Variants in MAGOH observed in about 807,000 individuals in gnomAD.
MAGOH encodes mago homolog, exon junction complex subunit, also known as protein mago nashi homolog.
In MAGOH, 3 loss-of-function variants were observed where a neutral mutation model predicts 20.9. The observed-to-expected ratio is 0.14, with a 90% CI of 0.07 to 0.37. MAGOH has a LOEUF of 0.37. Among genes scored for constraint, MAGOH ranks in the 10% least tolerant of loss-of-function variants. The pLI is 1.00. For synonymous variants in MAGOH, 51 were observed against 61.0 expected, an observed-to-expected ratio of 0.84 and a Z score of 0.76; for missense variants, 66 against 178.1, an observed-to-expected ratio of 0.37 and a Z score of 3.58.
chr1:53,233,428 T>A lies in MAGOH; in HGVS notation c.258+114A>T, dbSNP rs182635940. On this transcript the variant is annotated intron_variant, in intron 3 of 4. Coordinates refer to ENST00000371470, the MANE Select transcript of MAGOH (RefSeq NM_002370.4). ...TTTCTCTTTGTATCTCCACAATGCT[T>A]TGTCCATAGTAGTTAGTAAGTGAGA... is the stretch of plus-strand genomic sequence containing the variant. The A allele has an allele frequency of 7.5e-5, 50 of 669,970 alleles. No homozygotes were observed. The African/African-American group carries it at 8.4e-4, about 11-fold the overall frequency. 41.5% of individuals were successfully genotyped at this position (669,970 alleles called of 1,614,324 possible).
chr1:53,235,727 TA>T, intron 1 of MAGOH, 92 bp from the exon 2 acceptor site: 1 of 922,142 alleles, frequency 1.1e-6, no homozygotes, highest in Non-Finnish European at 1.8e-6. Context: ...GCCCAAAATG[TA>T]TCTAACTTGC....
intron 2 of MAGOH, among the ~76,000 whole-genome samples, chr1:53,234,807 A>C (rs1028795485): frequency 1.3e-5 from 2 of 152,200 alleles, no homozygotes; most frequent in African/African-American, 4.8e-5. Context: ...ACAATATGAA[A>C]ATATATGCTA....
At position 53,233,613 on chromosome 1, in the gene MAGOH, T is replaced by C. The variant is rs765774176; in HGVS notation, c.187A>G (p.Ile63Val). 6.2e-7 allele frequency: 1 copy of C among 1,614,122 alleles called. No homozygotes were observed. Among genetic ancestry groups the C allele is most frequent in the Non-Finnish European group, 8.5e-7 (1 of 1,179,948 alleles). The change falls in exon 3 of 5, where the codon ATA becomes GTA. Residue 63 changes from isoleucine (I) to valine (V), a missense_variant. By Grantham distance (29) the Ile-to-Val change is conservative. Coordinates refer to ENST00000371470, the MANE Select transcript of MAGOH (RefSeq NM_002370.4). ...HKSVMEELKRIIDDSEITKED... is the reference protein window; with the variant it reads ...HKSVMEELKRVIDDSEITKED... Reference sequence around the variant, plus strand: ...TTGGTAATTTCACTGTCGTCAATTATTCTCTTCAGTTCCTCCATCACGCTT... The same window carrying C: ...TTGGTAATTTCACTGTCGTCAATTACTCTCTTCAGTTCCTCCATCACGCTT...
intron 1 of MAGOH, 133 bp from the exon 2 acceptor site, chr1:53,235,768 TC>T: frequency 2.9e-6 from 2 of 691,732 alleles, no homozygotes; most frequent in Admixed American, 2.5e-5. Context: ...TATTATTTAC[TC>T]TTAAGGTATT....
At chr1:53,232,812 TCAGAC>T (rs1235672027) in intron 3 of MAGOH, among the ~76,000 whole-genome samples, 1 of 152,128 alleles carries the variant, frequency 6.6e-6, no homozygotes, top group African/African-American at 2.4e-5. Context: ...TTTTTAAAGA[TCAGAC>T]CAGTAGGATG....
chr1:53,229,523 G>C (rs1645576093), intron 3 of MAGOH, among the ~76,000 whole-genome samples: 1 of 152,124 alleles, frequency 6.6e-6, no homozygotes, highest in South Asian at 2.1e-4. Flanking sequence ...CAAGTGCTGG[G>C]ATTATAGGTA....
chr1:53,235,175 T>C, intron 2 of MAGOH, among the ~76,000 whole-genome samples: 1 of 152,218 alleles, frequency 6.6e-6, no homozygotes, highest in East Asian at 1.9e-4. Context: ...TTGTGTACCA[T>C]GTACACAGGG....
At chr1:53,235,739 T>C in intron 1 of MAGOH, 104 bp from the exon 2 acceptor site, 1 of 802,260 alleles carries the variant, frequency 1.2e-6, no homozygotes. Flanking sequence ...TCTAACTTGC[T>C]AAAAGTGTCT....
intron 1 of MAGOH, among the ~76,000 whole-genome samples, chr1:53,237,939 G>A (rs911200445): frequency 3.9e-5 from 6 of 152,124 alleles, no homozygotes; most frequent in African/African-American, 1.4e-4. Flanking sequence ...GGACTCGGCT[G>A]CAATATACCC....
At chr1:53,229,555 TG>T (rs1645576318) in intron 3 of MAGOH, among the ~76,000 whole-genome samples, 1 of 152,180 alleles carries the variant, frequency 6.6e-6, no homozygotes. Context: ...GCCCAGCCTA[TG>T]TAGTATTTTG....
At chr1:53,235,404 A>T (rs1329134515) in intron 2 of MAGOH, among the ~76,000 whole-genome samples, 173 bp downstream of exon 2, 7 of 152,236 alleles carry the variant, frequency 4.6e-5, no homozygotes, top group Non-Finnish European at 1.5e-5. Context: ...AATGTAAAAT[A>T]AAAAAATCCC....
intron 2 of MAGOH, among the ~76,000 whole-genome samples, chr1:53,234,737 G>C (rs977586334): frequency 1.3e-5 from 2 of 152,000 alleles, no homozygotes; most frequent in Non-Finnish European, 2.9e-5. Flanking sequence ...ATATGCCTGT[G>C]TAAAAAAATA....
intron 3 of MAGOH, among the ~76,000 whole-genome samples, chr1:53,230,596 T>G (rs1645581673): frequency 6.6e-6 from 1 of 151,700 alleles, no homozygotes; most frequent in Admixed American, 6.6e-5. Flanking sequence ...TTTTAGGGTT[T>G]TTTTTTTTTT....
chr1:53,232,609 C>T (rs190199066), intron 3 of MAGOH, among the ~76,000 whole-genome samples: 59 of 152,160 alleles, frequency 3.9e-4, no homozygotes, highest in Admixed American at 5.2e-4. Context: ...ATATTTTAGG[C>T]GGAATGTGGC....
In MAGOH at chr1:53,228,874, G is replaced by A; in HGVS notation, c.339C>T (p.Ser113=). 1 of 1,597,054 alleles carries A rather than the reference G, an allele frequency of 6.3e-7. No individual in the cohort carries two copies. The highest frequency in any genetic ancestry group is 8.6e-7 in the Non-Finnish European group (1 of 1,164,564). Residue 113 remains serine, a splice_region_variant and synonymous_variant, in exon 4 of 5, where the codon TCC becomes TCT. Transcript: ENST00000371470. ...KIGSLIDVNQ[S]KDPEGLRVFY... ...ATATAAGGATCATGCACACTTACTT[G>A]GATTGATTGACATCAATAAGGGAAC... is the stretch of plus-strand genomic sequence containing the variant.
intron 3 of MAGOH, among the ~76,000 whole-genome samples, chr1:53,232,488 T>C (rs1258908864): frequency 6.6e-6 from 1 of 152,246 alleles, no homozygotes; most frequent in African/African-American, 2.4e-5. Context: ...ATCTTTTTCT[T>C]AATGATGGGA....
intron 3 of MAGOH, 90 bp downstream of exon 3, chr1:53,233,452 G>GAT (rs1400438124): frequency 2.5e-6 from 2 of 799,984 alleles, no homozygotes; most frequent in Non-Finnish European, 4.2e-6. Context: ...TAGTAAGTGA[G>GAT]ATAGGCAACA....
intron 2 of MAGOH, 48 bp from the exon 3 acceptor site, chr1:53,233,700 G>A (rs1645597285): frequency 1.7e-6 from 2 of 1,187,322 alleles, no homozygotes; most frequent in South Asian, 2.5e-5. Flanking sequence ...CTTAAGCAGT[G>A]CTTTGACTCA....
At chr1:53,235,499 AG>A in intron 2 of MAGOH, 77 bp downstream of exon 2, 1 of 1,229,714 alleles carries the variant, frequency 8.1e-7, no homozygotes, top group Non-Finnish European at 1.2e-6. Flanking sequence ...CAATACTACT[AG>A]AAACAATAAA....
Sources: allele counts gnomAD v4.1 joint callset (sites outside exome capture counted in the v4.1 genomes callset), GRCh38; gene constraint gnomAD v4.1.1; transcripts MANE v1.5; gene names NCBI Gene and HGNC (gene_info 2026-07-23, HGNC 2026-07-21).